Variants in KRT14 observed in about 807,000 individuals in gnomAD.
KRT14 encodes the protein keratin, type I cytoskeletal 14.
A neutral mutation model predicts 44.5 loss-of-function variants in KRT14; 30 were observed. The observed-to-expected ratio is 0.67, with a 90% CI of 0.50 to 0.92. KRT14 has a LOEUF of 0.92. KRT14 is among the 40% of genes least tolerant of loss of function. The probability of loss-of-function intolerance (pLI) is 0.00; values close to 1 mark genes in which losing one functional copy is unlikely to be tolerated. For missense variants in KRT14, 535 were observed against 640.6 expected (o/e 0.84, Z 1.78); for synonymous variants, 241 against 257.6 (o/e 0.94, Z 0.62).
In KRT14 at chr17:41,585,064, G is replaced by A. The variant is rs1198971127; in HGVS notation, c.526-7C>T. ...CCACTGTGGCTGTGAGAATCTGCAG[G>A]ATGGAAAAGGCACAGGTAATTTGTC... is the stretch of plus-strand genomic sequence containing the variant. On this transcript the variant is annotated splice_region_variant and splice_polypyrimidine_tract_variant and intron_variant, in intron 1 of 7. Coordinates refer to ENST00000167586, the MANE Select transcript of KRT14 (RefSeq NM_000526.5). 2 of 1,609,320 alleles carry A rather than the reference G, an allele frequency of 1.2e-6. No individual in the cohort carries two copies. Among genetic ancestry groups the A allele is most frequent in the East Asian group, 2.2e-5 (1 of 44,878 alleles).
Position 41,586,423 on chromosome 17 carries a change from C to G in KRT14, c.412G>C (p.Glu138Gln). Residue 138 changes from glutamate (E) to glutamine (Q), a missense_variant, in exon 1 of 8, where the codon GAG becomes CAG. Physicochemically the swap from Glu to Gln is conservative, Grantham distance 29. Transcript: ENST00000167586. ...SYLDKVRALE[E>Q]ANADLEVKIR... ...TTCACTTCCAGGTCGGCGTTGGCCT[C>G]CTCCAGAGCACGCACCTTGTCCAGG... is the stretch of plus-strand genomic sequence containing the variant. 6.2e-7 allele frequency: 1 copy of G among 1,614,122 alleles called. No individual in the cohort carries two copies. The highest frequency in any genetic ancestry group is 2.2e-5 in the East Asian group (1 of 44,870).
rs1487143113 is a variant in KRT14, at chr17:41,584,967, A to G, written c.608+8T>C. The G allele has an allele frequency of 6.2e-7, 1 of 1,611,678 alleles. No homozygotes were observed. Among genetic ancestry groups the G allele is most frequent in the South Asian group, 1.1e-5 (1 of 91,052 alleles). ...ACTGGATGTTCTGGCCCACCATTTCAAACTCACTTGGTGCGGAAGTCATCC... is the reference window on the plus strand; with the variant it reads ...ACTGGATGTTCTGGCCCACCATTTCGAACTCACTTGGTGCGGAAGTCATCC... On this transcript the variant is annotated splice_region_variant and intron_variant, in intron 2 of 7. Transcript: ENST00000167586.
At position 41,583,824 on chromosome 17, in the gene KRT14, C is replaced by T. The variant is rs778867001; in HGVS notation, c.863G>A (p.Arg288His). 8.7e-6 allele frequency: 14 copies of T among 1,614,096 alleles called. No individual in the cohort carries two copies. The highest frequency in any genetic ancestry group is 7.6e-6 in the Non-Finnish European group (9 of 1,180,046). Residue 288 changes from arginine to histidine, a missense_variant, in exon 4 of 8, where the codon CGT (arginine) becomes CAT (histidine). Arg to His is a conservative substitution (Grantham distance 29, BLOSUM62 0). Transcript: ENST00000167586. ...CTCTGCCATCTTCTCATACTGGTCA[C>T]GCATCTCGTTCAGAATGCGGCTCAG... The part of the protein sequence containing the change: ...VDLSRILNEM[R>H]DQYEKMAEKN...
At position 41,586,876 on chromosome 17, in the gene KRT14, T is replaced by A; in HGVS notation, c.-42A>T. The A allele has an allele frequency of 6.5e-7, 1 of 1,547,930 alleles. No individual in the cohort carries two copies. Among genetic ancestry groups the A allele is most frequent in the Non-Finnish European group, 8.7e-7 (1 of 1,150,758 alleles). On this transcript the variant is annotated 5_prime_UTR_variant, in exon 1 of 8. Coordinates refer to ENST00000167586, the MANE Select transcript of KRT14 (RefSeq NM_000526.5). ...GTGAGCGAGCGAGCAGTTGGCTGAGTGAAGAGAAGGTGCTCGGGTAAATTG... is the reference window on the plus strand; with the variant it reads ...GTGAGCGAGCGAGCAGTTGGCTGAGAGAAGAGAAGGTGCTCGGGTAAATTG...
rs769455380 is a variant in KRT14, at chr17:41,584,355, T to G, written c.667A>C (p.Arg223=). ...SVEADINGLR[R]VLDELTLARA... ...GCCAGGGTCAGTTCGTCCAGCACCC[T>G]GCGCAGGCCATTGATGTCGGCTTCC... The change falls in exon 3 of 8, where the codon AGG becomes CGG. Residue 223 remains arginine, a synonymous_variant. Transcript: ENST00000167586. 3 of 1,614,158 alleles carry G rather than the reference T, an allele frequency of 1.9e-6. No homozygotes were observed. Among genetic ancestry groups the G allele is most frequent in the Non-Finnish European group, 2.5e-6 (3 of 1,180,032 alleles).
chr17:41,586,662 G>A lies in KRT14; in HGVS notation c.173C>T (p.Ser58Phe). 6.2e-7 allele frequency: 1 copy of A among 1,602,344 alleles called. No homozygotes were observed. The highest frequency in any genetic ancestry group is 1.1e-5 in the South Asian group (1 of 90,180). ...GGLSVSSSRF[S>F]SGGACGLGGG... Reference sequence around the variant, plus strand: ...CCCCAGCCCGCAGGCTCCCCCAGAGGAGAAGCGGGAGGATGAGACAGACAG... The same window carrying A: ...CCCCAGCCCGCAGGCTCCCCCAGAGAAGAAGCGGGAGGATGAGACAGACAG... Residue 58 changes from serine to phenylalanine, a missense_variant, in exon 1 of 8, where the codon TCC becomes TTC. Transcript: ENST00000167586.
At position 41,583,273 on chromosome 17, in the gene KRT14, G is replaced by T. The variant is rs144503476; in HGVS notation, c.1236C>A (p.Ile412=). 6.2e-7 allele frequency: 1 copy of T among 1,613,534 alleles called. No individual in the cohort carries two copies. Among genetic ancestry groups the T allele is most frequent in the Non-Finnish European group, 8.5e-7 (1 of 1,179,990 alleles). ...LDVKTRLEQE[I]ATYRRLLEGE... Reference sequence around the variant, plus strand: ...CCTCCAGCAGGCGGCGGTAGGTGGCGATCTCCTGCTCCAGCCGCGTCTTCA... The same window carrying T: ...CCTCCAGCAGGCGGCGGTAGGTGGCTATCTCCTGCTCCAGCCGCGTCTTCA... Residue 412 remains isoleucine (I), a synonymous_variant, in exon 6 of 8, where the codon ATC becomes ATA. Coordinates refer to ENST00000167586, the MANE Select transcript of KRT14 (RefSeq NM_000526.5).
intron 2 of KRT14, 92 bp downstream of exon 2, chr17:41,584,883 C>T (rs748129385): frequency 4.2e-6 from 4 of 942,700 alleles, no homozygotes; most frequent in African/African-American, 3.2e-5. Flanking sequence ...TGCACCTATC[C>T]TGGTACTGGC....
rs1262542918 is a variant in KRT14, at chr17:41,584,876, A to C, written c.608+99T>G. On this transcript the variant is annotated intron_variant, in intron 2 of 7. Transcript: ENST00000167586. ...TAAGCACCCCAGGGAGTTTTCATGCACCTATCCTGGTACTGGCTAGTTCTA... is the reference window on the plus strand; with the variant it reads ...TAAGCACCCCAGGGAGTTTTCATGCCCCTATCCTGGTACTGGCTAGTTCTA... The C allele has an allele frequency of 4.5e-6, 4 of 896,852 alleles. No homozygotes were observed. In the African/African-American group the frequency reaches 6.6e-5, roughly 15 times the overall value. 55.6% of individuals were successfully genotyped at this position (896,852 alleles called of 1,614,324 possible).
chr17:41,582,387 C>G lies in KRT14; in HGVS notation c.*48G>C. 7.1e-7 allele frequency: 1 copy of G among 1,406,626 alleles called. No individual in the cohort carries two copies. The highest frequency in any genetic ancestry group is 2.5e-5 in the East Asian group (1 of 40,218). The allele number at this position is 1,406,626 out of a possible 1,614,324, so 87.1% of individuals were successfully genotyped here. A position where few individuals can be genotyped will look rare whatever the true frequency, so the allele number is the denominator to read the frequency against. ...AGGAGAGGGGATCTTCCAGTGGGAT[C>G]TGTGTCCACACGGGGGGCCTCCTAG... On this transcript the variant is annotated 3_prime_UTR_variant, in exon 8 of 8. Transcript: ENST00000167586.
chr17:41,586,597 A>AGCT lies in KRT14; in HGVS notation c.235_237dup (p.Ser79dup), dbSNP rs747557834. On this transcript the variant is annotated inframe_insertion, in exon 1 of 8. Coordinates refer to ENST00000167586, the MANE Select transcript of KRT14 (RefSeq NM_000526.5). ...TATCCTCCCCCAAAGCCACTACCAA[A>AGCT]GCTGCTGCTGCTGCTGCTGAAGCCA... 4.1e-5 allele frequency: 66 copies of AGCT among 1,610,926 alleles called. No individual in the cohort carries two copies. The African/African-American group carries it at 5.2e-4, about 13-fold the overall frequency.
rs761169171 is a variant in KRT14, at chr17:41,583,148, A to T, written c.1275-8T>A. 3.1e-6 allele frequency: 5 copies of T among 1,613,628 alleles called. No individual in the cohort carries two copies. The highest frequency in any genetic ancestry group is 4.2e-6 in the Non-Finnish European group (5 of 1,179,978). ...AACTGGGAGGAGGAGAGGCTGTGAA[A>T]ATAGAAAAGGACAGGATCATTAGAT... On this transcript the variant is annotated splice_region_variant and splice_polypyrimidine_tract_variant and intron_variant, in intron 6 of 7. Coordinates refer to ENST00000167586, the MANE Select transcript of KRT14 (RefSeq NM_000526.5).
intron 7 of KRT14, 62 bp from the exon 8 acceptor site, chr17:41,582,594 T>C: frequency 3.0e-6 from 4 of 1,354,780 alleles, no homozygotes; most frequent in Non-Finnish European, 4.1e-6. Context: ...TAATCAGGAG[T>C]AAGGAGGCCA....
intron 2 of KRT14, 71 bp downstream of exon 2, chr17:41,584,904 T>A: frequency 8.4e-7 from 1 of 1,186,734 alleles, no homozygotes; most frequent in Non-Finnish European, 1.3e-6. Context: ...TAGTTCTATT[T>A]GGGAAACACT....
Position 41,582,420 on chromosome 17 carries a change from C to A in KRT14, c.*15G>T. ...ACACGGGGGGCCTCCTAGGCCTGAGCGGGGCTGGGCAGCCTCAGTTCTTGG... is the reference window on the plus strand; with the variant it reads ...ACACGGGGGGCCTCCTAGGCCTGAGAGGGGCTGGGCAGCCTCAGTTCTTGG... On this transcript the variant is annotated 3_prime_UTR_variant, in exon 8 of 8. Coordinates refer to ENST00000167586, the MANE Select transcript of KRT14 (RefSeq NM_000526.5). 2 of 1,549,868 alleles carry A rather than the reference C, an allele frequency of 1.3e-6. No individual in the cohort carries two copies. Among genetic ancestry groups the A allele is most frequent in the Non-Finnish European group, 1.7e-6 (2 of 1,145,184 alleles).
In KRT14 at chr17:41,583,239, C is replaced by T. The variant is rs1265727736; in HGVS notation, c.1270G>A (p.Ala424Thr). 6.2e-7 allele frequency: 1 copy of T among 1,613,414 alleles called. No homozygotes were observed. Among genetic ancestry groups the T allele is most frequent in the South Asian group, 1.1e-5 (1 of 91,048 alleles). ...AAGGGGAGGGCCAAGACTCACTGGGCGTCCTCGCCCTCCAGCAGGCGGCGG... is the reference window on the plus strand; with the variant it reads ...AAGGGGAGGGCCAAGACTCACTGGGTGTCCTCGCCCTCCAGCAGGCGGCGG... ...TYRRLLEGED[A>T]HLSSSQFSSG... is the part of the protein sequence containing the mutation. The change falls in exon 6 of 8, where the codon GCC becomes ACC. Residue 424 changes from alanine (A) to threonine (T), a missense_variant. By Grantham distance (58) the Ala-to-Thr change is moderately conservative. Transcript: ENST00000167586.
chr17:41,584,218 T>A (rs1907448567), intron 3 of KRT14, 39 bp downstream of exon 3: 1 of 1,609,930 alleles, frequency 6.2e-7, no homozygotes, highest in Admixed American at 1.7e-5. Flanking sequence ...CCAGCCTCCC[T>A]GCATTTCTTT....
At position 41,584,353 on chromosome 17, in the gene KRT14, C is replaced by T. The variant is rs1378474794; in HGVS notation, c.669G>A (p.Arg223=). The T allele has an allele frequency of 1.9e-6, 3 of 1,613,966 alleles. No homozygotes were observed. Among genetic ancestry groups the T allele is most frequent in the South Asian group, 1.1e-5 (1 of 91,084 alleles). ...SVEADINGLR[R]VLDELTLARA... ...TGGCCAGGGTCAGTTCGTCCAGCAC[C>T]CTGCGCAGGCCATTGATGTCGGCTT... The change falls in exon 3 of 8, where the codon AGG becomes AGA. Residue 223 remains arginine (R), a synonymous_variant. Coordinates refer to ENST00000167586, the MANE Select transcript of KRT14 (RefSeq NM_000526.5).
rs534435462 is a variant in KRT14, at chr17:41,584,257, C to G, written c.765G>C (p.Glu255Asp). 2 of 1,613,618 alleles carry G rather than the reference C, an allele frequency of 1.2e-6. No homozygotes were observed. The highest frequency in any genetic ancestry group is 2.7e-5 in the African/African-American group (2 of 74,756). Residue 255 changes from glutamate to aspartate, a missense_variant and splice_region_variant, in exon 3 of 8, where the codon GAG (glutamate) becomes GAC (aspartate). Transcript: ENST00000167586. ...GCTGACTTTTCCATATAGTTCTCAC[C>G]TCCTCGTGGTTCTTCTTCAGGTAGG... Reference protein sequence around the residue: ...ELAYLKKNHEEEMNALRGQVG... With the variant: ...ELAYLKKNHEDEMNALRGQVG...
Sources: gnomAD v4.1 joint callset for allele counts on GRCh38, gnomAD v4.1.1 for gene constraint, MANE v1.5 for transcripts, NCBI Gene and HGNC (gene_info 2026-07-23, HGNC 2026-07-21) for gene names.